The following UTRN variants were observed in gnomAD, a reference collection of about 807,000 sequenced individuals.
UTRN encodes the protein utrophin, also known as dystrophin-related protein 1.
A neutral mutation model predicts 463.9 loss-of-function variants in UTRN; 283 were observed. The observed-to-expected ratio is 0.61, with a 90% CI of 0.55 to 0.67. UTRN has a LOEUF of 0.67. Ranked by LOEUF, UTRN falls within the 30% of genes least tolerant of loss-of-function variation. UTRN has a pLI of 0.00. For synonymous variants in UTRN, 1,442 were observed against 1,431.5 expected, an observed-to-expected ratio of 1.01 and a Z score of -0.17; for missense variants, 3,922 against 4,084.3, an observed-to-expected ratio of 0.96 and a Z score of 1.08.
intron 61 of UTRN, 151 bp from the exon 62 acceptor site, chr6:144,789,043 A>G: frequency 1.6e-6 from 1 of 630,208 alleles, no homozygotes; most frequent in Non-Finnish European, 2.7e-6. Context: ...TTGGTTTAAT[A>G]TTAATTGTTA....
intron 51 of UTRN, among the ~76,000 whole-genome samples, chr6:144,586,699 A>T (rs908785849): frequency 6.6e-6 from 1 of 152,094 alleles, no homozygotes; most frequent in African/African-American, 2.4e-5. Context: ...TTTTTTTCTT[A>T]GTGCCAATTT....
rs74903623 is a variant in UTRN at position 144,427,787 on chromosome 6, G to T, written c.579-991G>T. Among the ~76,000 whole-genome samples the T allele has an allele frequency of 5.9e-3, 897 of 152,262 alleles. 6 individuals carry two copies. Among genetic ancestry groups the T allele is most frequent in the African/African-American group, 0.02 (850 of 41,550 alleles). ...ATTAATTAATTGATTCAACAAATAC[G>T]TGTGGGGTGCCTTTTATGTGCTAGA... is the stretch of plus-strand genomic sequence containing the variant. On this transcript the variant is annotated intron_variant, in intron 7 of 74. Coordinates refer to ENST00000367545, the MANE Select transcript of UTRN (RefSeq NM_007124.3).
At chr6:144,526,213 A>G (rs1193747643) in intron 41 of UTRN, among the ~76,000 whole-genome samples, 2 of 152,182 alleles carry the variant, frequency 1.3e-5, no homozygotes, top group Non-Finnish European at 2.9e-5. Flanking sequence ...GTTCTAGGGT[A>G]TAGTTTAATT....
At chr6:144,328,836 T>G (rs1584299215) in intron 2 of UTRN, among the ~76,000 whole-genome samples, 2 of 152,064 alleles carry the variant, frequency 1.3e-5, no homozygotes. Context: ...CAGCCTGGAG[T>G]GCAGTGGTGC....
Position 144,448,593 on chromosome 6 carries a change from A to T in UTRN, c.1903-7A>T. ...AACATTGAAATTTTGGATGGCTTTT[A>T]TTTCAGGTGACTCAGGCTGTAGCAA... On this transcript the variant is annotated splice_region_variant and splice_polypyrimidine_tract_variant and intron_variant, in intron 16 of 74. Transcript: ENST00000367545. 1 of 1,610,888 alleles carries T rather than the reference A, an allele frequency of 6.2e-7. No homozygotes were observed. The highest frequency in any genetic ancestry group is 2.2e-5 in the East Asian group (1 of 44,842).
At chr6:144,785,673 G>T (rs1407482971) in intron 61 of UTRN, among the ~76,000 whole-genome samples, 1 of 152,130 alleles carries the variant, frequency 6.6e-6, no homozygotes, top group Admixed American at 6.5e-5. Flanking sequence ...TGCTGTGTGA[G>T]TTGGCAGCTA....
chr6:144,759,492 C>T (rs1792397860), intron 58 of UTRN, among the ~76,000 whole-genome samples: 1 of 151,948 alleles, frequency 6.6e-6, no homozygotes, highest in Non-Finnish European at 1.5e-5. Flanking sequence ...GCTCCCAACC[C>T]CTGAAAGATG....
intron 52 of UTRN, among the ~76,000 whole-genome samples, chr6:144,698,994 A>C (rs1784291618): frequency 6.6e-6 from 1 of 152,226 alleles, no homozygotes; most frequent in Non-Finnish European, 1.5e-5. Context: ...GACATTGGTC[A>C]ACCTTAAGCC....
At chr6:144,584,881 CATTT>C (rs774787967) in intron 51 of UTRN, among the ~76,000 whole-genome samples, 2 of 151,974 alleles carry the variant, frequency 1.3e-5, no homozygotes, top group Admixed American at 1.3e-4. Context: ...TCTGGTAAAA[CATTT>C]ATGTTTTTCA....
intron 51 of UTRN, among the ~76,000 whole-genome samples, chr6:144,634,781 A>G (rs1776927095): frequency 6.6e-6 from 1 of 152,224 alleles, no homozygotes; most frequent in Middle Eastern, 3.4e-3. Context: ...TAGTGCTTTA[A>G]TGACTGTCTT....
At chr6:144,635,713 T>C (rs1777104687) in intron 51 of UTRN, among the ~76,000 whole-genome samples, 1 of 151,608 alleles carries the variant, frequency 6.6e-6, no homozygotes, top group Non-Finnish European at 1.5e-5. Context: ...CTAATTTCTG[T>C]ATTTTTAGTA....
At chr6:144,784,899 A>G (rs1035020796) in intron 61 of UTRN, among the ~76,000 whole-genome samples, 2 of 152,234 alleles carry the variant, frequency 1.3e-5, no homozygotes, top group Admixed American at 6.5e-5. Context: ...GAAAGATGGC[A>G]AAGACCATGC....
intron 46 of UTRN, among the ~76,000 whole-genome samples, chr6:144,546,959 A>G (rs1360011791): frequency 1.3e-5 from 2 of 152,338 alleles, no homozygotes; most frequent in South Asian, 2.1e-4. Context: ...CTGCTTCTGC[A>G]TTTGGTCTCT....
At chr6:144,422,087 GGC>G in intron 4 of UTRN, 117 bp downstream of exon 4, 4 of 798,488 alleles carry the variant, frequency 5.0e-6, no homozygotes, top group Non-Finnish European at 7.4e-6. Context: ...CAAATGTAAA[GGC>G]TGAAATTCGG....
chr6:144,748,189 T>A, intron 54 of UTRN, 57 bp from the exon 55 acceptor site: 1 of 1,530,016 alleles, frequency 6.5e-7, no homozygotes, highest in Non-Finnish European at 8.7e-7. Flanking sequence ...CACACTTGGC[T>A]ATTAAGAATA....
intron 52 of UTRN, among the ~76,000 whole-genome samples, chr6:144,684,923 T>A (rs1260607495): frequency 6.6e-6 from 1 of 152,356 alleles, no homozygotes; most frequent in East Asian, 1.9e-4. Flanking sequence ...GTTACAAGGA[T>A]GAATTGTATA....
chr6:144,468,646 T>G (rs1368759583), intron 23 of UTRN, among the ~76,000 whole-genome samples: 1 of 151,512 alleles, frequency 6.6e-6, no homozygotes, highest in Non-Finnish European at 1.5e-5. Flanking sequence ...CAGATGGAGG[T>G]GAAGAAAAAA....
intron 51 of UTRN, chr6:144,659,999 G>C (rs983276443): frequency 8.8e-6 from 3 of 341,420 alleles, no homozygotes; most frequent in Admixed American, 3.8e-5. Context: ...TCTATTCCTT[G>C]CGAACTCCGA....
At chr6:144,557,548 C>T (rs972991598) in intron 50 of UTRN, among the ~76,000 whole-genome samples, 4 of 151,768 alleles carry the variant, frequency 2.6e-5, no homozygotes, top group African/African-American at 9.7e-5. Flanking sequence ...TTTAAATCAG[C>T]CTAAACCTTG....
Sources: gnomAD v4.1 joint callset for allele counts (sites outside exome capture counted in the v4.1 genomes callset) on GRCh38, gnomAD v4.1.1 for gene constraint, MANE v1.5 for transcripts, NCBI Gene and HGNC (gene_info 2026-07-23, HGNC 2026-07-21) for gene names.